SLC25A26: variants seen among roughly 807,000 people sequenced by gnomAD.
SLC25A26 encodes the protein solute carrier family 25 member 26, also known as mitochondrial S-adenosylmethionine carrier protein.
Under a neutral mutation model 37.8 loss-of-function variants are expected in SLC25A26, and 36 were observed. That is an observed-to-expected ratio of 0.95 (90% CI 0.73 to 1.26). SLC25A26 has a LOEUF of 1.26. Among genes scored for constraint, SLC25A26 ranks in the 50% most tolerant of loss-of-function variants. The pLI is 0.00. For synonymous variants in SLC25A26, 129 were observed against 122.5 expected (o/e 1.05, Z -0.35); for missense variants, 390 against 331.1 (o/e 1.18, Z -1.38).
intron 5 of SLC25A26, among the ~76,000 whole-genome samples, chr3:66,270,810 A>G (rs912464800): frequency 6.6e-6 from 1 of 152,194 alleles, no homozygotes; most frequent in Non-Finnish European, 1.5e-5. Context: ...ATTGAGTAAA[A>G]TTATCTTAAT....
At chr3:66,264,952 T>A (rs1056655993) in intron 5 of SLC25A26, among the ~76,000 whole-genome samples, 1 of 152,208 alleles carries the variant, frequency 6.6e-6, no homozygotes, top group Admixed American at 6.5e-5. Context: ...GGAAATTTTC[T>A]TTTGTTCTGT....
chr3:66,363,936 T>A (rs1348383955), intron 7 of SLC25A26, among the ~76,000 whole-genome samples: 1 of 151,754 alleles, frequency 6.6e-6, no homozygotes, highest in Non-Finnish European at 1.5e-5. Flanking sequence ...TGACACATAG[T>A]CATTAGCTGT....
chr3:66,324,758 A>G (rs1427742495), intron 5 of SLC25A26, among the ~76,000 whole-genome samples: 1 of 152,068 alleles, frequency 6.6e-6, no homozygotes, highest in Admixed American at 6.6e-5. Flanking sequence ...TGATTTTTGC[A>G]AAGATGATTT....
intron 5 of SLC25A26, among the ~76,000 whole-genome samples, chr3:66,291,799 G>A (rs2074719711): frequency 6.6e-6 from 1 of 152,202 alleles, no homozygotes; most frequent in Non-Finnish European, 1.5e-5. Context: ...GGAGAGTTCT[G>A]TAGATGTCTA....
intron 1 of SLC25A26, among the ~76,000 whole-genome samples, chr3:66,182,725 G>C (rs779804111): frequency 3.4e-4 from 48 of 139,732 alleles, no homozygotes; most frequent in Admixed American, 1.6e-3. Flanking sequence ...GCGGGGGGGG[G>C]GGGTGGGGTA....
intron 1 of SLC25A26, among the ~76,000 whole-genome samples, chr3:66,209,898 T>TATATATATATATATA (rs2071256377): frequency 7.8e-5 from 3 of 38,614 alleles, no homozygotes; most frequent in Admixed American, 4.4e-4. Context: ...CTCTCTCTAT[T>TATATATATATATATA]TATATATATA....
chr3:66,295,287 G>A (rs950532543), intron 5 of SLC25A26, among the ~76,000 whole-genome samples: 2 of 152,026 alleles, frequency 1.3e-5, no homozygotes, highest in Non-Finnish European at 2.9e-5. Flanking sequence ...GCAGTGGCGC[G>A]ATCTCAGCTC....
chr3:66,222,577 C>A (rs1450282285), intron 1 of SLC25A26, among the ~76,000 whole-genome samples: 1 of 152,296 alleles, frequency 6.6e-6, no homozygotes, highest in East Asian at 1.9e-4. Flanking sequence ...GGGGTAAGCT[C>A]TTTACATACA....
At chr3:66,373,469 G>A (rs1700463693) in intron 9 of SLC25A26, among the ~76,000 whole-genome samples, 1 of 152,188 alleles carries the variant, frequency 6.6e-6, no homozygotes, top group South Asian at 2.1e-4. Flanking sequence ...ACAAGACACT[G>A]GCGTTTAGAA....
intron 1 of SLC25A26, among the ~76,000 whole-genome samples, chr3:66,172,708 C>T (rs1360724945): frequency 2.6e-5 from 4 of 152,130 alleles, no homozygotes; most frequent in African/African-American, 9.7e-5. Context: ...CTCTTCCTGG[C>T]TTCTGGTAGT....
At chr3:66,357,398 A>T (rs2076601343) in intron 6 of SLC25A26, among the ~76,000 whole-genome samples, 1 of 152,224 alleles carries the variant, frequency 6.6e-6, no homozygotes, top group Non-Finnish European at 1.5e-5. Flanking sequence ...TGGGTAACAG[A>T]ACAAGATCCT....
At chr3:66,261,000 G>C (rs1189871561) in intron 3 of SLC25A26, among the ~76,000 whole-genome samples, 2 of 152,184 alleles carry the variant, frequency 1.3e-5, no homozygotes, top group Non-Finnish European at 2.9e-5. Context: ...GGAATCAGGA[G>C]AATACGGATC....
chr3:66,310,077 CT>C (rs2075334132), intron 5 of SLC25A26, among the ~76,000 whole-genome samples: 1 of 152,166 alleles, frequency 6.6e-6, no homozygotes, highest in Non-Finnish European at 1.5e-5. Context: ...TCTCGCTGAT[CT>C]AGCTAATATT....
At chr3:66,230,061 A>G (rs2071939404) in intron 1 of SLC25A26, among the ~76,000 whole-genome samples, 1 of 152,212 alleles carries the variant, frequency 6.6e-6, no homozygotes, top group Non-Finnish European at 1.5e-5. Flanking sequence ...ACCACCAAGC[A>G]GTGCTTGACT....
At chr3:66,300,324 C>T (rs1257501879) in intron 5 of SLC25A26, among the ~76,000 whole-genome samples, 1 of 146,312 alleles carries the variant, frequency 6.8e-6, no homozygotes, top group East Asian at 2.0e-4. Context: ...AGTGAGCAGG[C>T]CATTGACTGC....
At chr3:66,358,862 G>T (rs1039610851) in intron 6 of SLC25A26, among the ~76,000 whole-genome samples, 1 of 152,210 alleles carries the variant, frequency 6.6e-6, no homozygotes, top group East Asian at 1.9e-4. Context: ...ATGAGCTGAT[G>T]TATGTAAAGT....
intron 5 of SLC25A26, among the ~76,000 whole-genome samples, chr3:66,292,803 C>T (rs571104926): frequency 2.3e-3 from 355 of 152,194 alleles, no homozygotes; most frequent in Non-Finnish European, 4.2e-3. Flanking sequence ...GTGGTGTTCT[C>T]TGAATTTCCT....
intron 5 of SLC25A26, among the ~76,000 whole-genome samples, chr3:66,323,070 T>C (rs2075739639): frequency 6.6e-6 from 1 of 152,246 alleles, no homozygotes; most frequent in African/African-American, 2.4e-5. Flanking sequence ...TGTACTATAG[T>C]AGCTGCTCTG....
At chr3:66,191,116 G>A (rs1438743333) in intron 1 of SLC25A26, among the ~76,000 whole-genome samples, 1 of 152,294 alleles carries the variant, frequency 6.6e-6, no homozygotes, top group African/African-American at 2.4e-5. Context: ...ATGAGTATGT[G>A]TCATTCATTG....
Sources: allele counts gnomAD v4.1 joint callset (sites outside exome capture counted in the v4.1 genomes callset), GRCh38; gene constraint gnomAD v4.1.1; transcripts MANE v1.5; gene names NCBI Gene and HGNC (gene_info 2026-07-23, HGNC 2026-07-21).